TTC29: variants seen among roughly 807,000 people sequenced by gnomAD.
The protein encoded by TTC29 is tetratricopeptide repeat protein 29.
Under a neutral mutation model 58.1 loss-of-function variants are expected in TTC29, and 49 were observed. That is an observed-to-expected ratio of 0.84 (90% CI 0.67 to 1.07). The LOEUF (loss-of-function observed/expected upper bound fraction) is 1.07. TTC29 is among the 50% of genes least tolerant of loss of function. The pLI is 0.00. For synonymous variants in TTC29, 209 were observed against 196.8 expected (o/e 1.06, Z -0.52); for missense variants, 582 against 555.6 (o/e 1.05, Z -0.48).
intron 11 of TTC29, among the ~76,000 whole-genome samples, chr4:146,729,784 A>T (rs1463427024): frequency 6.6e-6 from 1 of 152,054 alleles, no homozygotes; most frequent in Non-Finnish European, 1.5e-5. Context: ...AGTGTGAAGG[A>T]GGAACTGTCA....
chr4:146,779,198 ATATTT>A (rs1748382008), intron 11 of TTC29, among the ~76,000 whole-genome samples: 1 of 152,010 alleles, frequency 6.6e-6, no homozygotes. Context: ...ACTTTAAAAA[ATATTT>A]TATAATAGTT....
chr4:146,793,903 A>T (rs1749648310), intron 11 of TTC29, among the ~76,000 whole-genome samples: 1 of 152,174 alleles, frequency 6.6e-6, no homozygotes, highest in Non-Finnish European at 1.5e-5. Context: ...GCTTAATAAC[A>T]TTTGCATGGT....
chr4:146,734,022 C>G (rs1339758040), intron 11 of TTC29, among the ~76,000 whole-genome samples: 1 of 152,024 alleles, frequency 6.6e-6, no homozygotes, highest in African/African-American at 2.4e-5. Context: ...CATTGGATAA[C>G]TAAAGAAGAA....
chr4:146,845,097 G>A (rs1326864520), intron 8 of TTC29, among the ~76,000 whole-genome samples: 1 of 152,120 alleles, frequency 6.6e-6, no homozygotes, highest in Non-Finnish European at 1.5e-5. Context: ...GAATTCGTAG[G>A]ATTAGGGTTT....
intron 11 of TTC29, among the ~76,000 whole-genome samples, chr4:146,769,194 G>A (rs1276591595): frequency 1.3e-5 from 2 of 151,638 alleles, no homozygotes; most frequent in Non-Finnish European, 2.9e-5. Context: ...TCTTAGTATC[G>A]GTGTTTGTGG....
At chr4:146,909,665 A>G (rs181631962) in intron 4 of TTC29, among the ~76,000 whole-genome samples, 85 of 152,326 alleles carry the variant, frequency 5.6e-4, no homozygotes, top group African/African-American at 1.9e-3. Flanking sequence ...GTTTCACTGT[A>G]TGTTACAGAA....
chr4:146,798,570 A>T (rs921928306), intron 11 of TTC29, among the ~76,000 whole-genome samples: 1 of 152,114 alleles, frequency 6.6e-6, no homozygotes, highest in Non-Finnish European at 1.5e-5. Flanking sequence ...GCTCATGAAC[A>T]TCTAGATTGT....
At chr4:146,723,364 G>A (rs555693546) in intron 11 of TTC29, among the ~76,000 whole-genome samples, 1 of 152,134 alleles carries the variant, frequency 6.6e-6, no homozygotes. Context: ...CAAAACAATT[G>A]CAGCAGAAAC....
rs1746175188 is a variant in TTC29 at position 146,753,402 on chromosome 4, A to T, written c.1331-45851T>A. Among the ~76,000 whole-genome samples, 3 of 152,358 alleles carry T rather than the reference A, an allele frequency of 2.0e-5. No homozygotes were observed. In the East Asian group the frequency reaches 5.8e-4, roughly 29 times the overall value. ...ACGATCATTAAAACGTCAGGAAACA[A>T]CAGGTGCTGGAGAAGATGTGGAGAA... On this transcript the variant is annotated intron_variant, in intron 11 of 12. Transcript: ENST00000325106.
chr4:146,909,117 G>T lies in TTC29; in HGVS notation c.309C>A (p.Leu103=), dbSNP rs757238343. The T allele has an allele frequency of 3.7e-6, 6 of 1,613,728 alleles. No individual in the cohort carries two copies. The highest frequency in any genetic ancestry group is 5.1e-6 in the Non-Finnish European group (6 of 1,179,860). Residue 103 remains leucine, a synonymous_variant, in exon 5 of 13, where the codon CTC becomes CTA. Transcript: ENST00000325106. The part of the protein sequence containing the change: ...ALREAARVRS[L]FWLQKPLEEQ... ...CCTCCAGGGGCTTCTGCAGCCAGAA[G>T]AGGGACCTGACTCTCGCAGCCTCCC...
chr4:146,874,406 G>A (rs954310180), intron 7 of TTC29, among the ~76,000 whole-genome samples: 3 of 152,020 alleles, frequency 2.0e-5, no homozygotes, highest in Non-Finnish European at 2.9e-5. Flanking sequence ...ACACACATGC[G>A]CATGCACACA....
chr4:146,906,096 T>C (rs755715951), intron 5 of TTC29, among the ~76,000 whole-genome samples: 1 of 152,098 alleles, frequency 6.6e-6, no homozygotes, highest in South Asian at 2.1e-4. Flanking sequence ...CCTAGCCCCA[T>C]GGGGCATAAG....
At chr4:146,790,095 G>A (rs2150100996) in intron 11 of TTC29, among the ~76,000 whole-genome samples, 1 of 151,922 alleles carries the variant, frequency 6.6e-6, no homozygotes, top group South Asian at 2.1e-4. Flanking sequence ...TACATGCCTT[G>A]ATTCCTTATT....
chr4:146,856,147 G>T (rs1361625331), intron 8 of TTC29, among the ~76,000 whole-genome samples: 2 of 151,924 alleles, frequency 1.3e-5, no homozygotes, highest in South Asian at 2.1e-4. Context: ...TCAGATTTTT[G>T]AACTTCATCC....
Position 146,909,100 on chromosome 4 carries a change from G to A in TTC29, c.326C>T (p.Pro109Leu). ...CAGTTTATCAGGCTGCTCCTCCAGG[G>A]GCTTCTGCAGCCAGAAGAGGGACCT... Reference protein sequence around the residue: ...RVRSLFWLQKPLEEQPDKLDY... With the variant: ...RVRSLFWLQKLLEEQPDKLDY... The change falls in exon 5 of 13, where the codon CCC becomes CTC. Residue 109 changes from proline to leucine, a missense_variant. Physicochemically the swap from Pro to Leu is moderately conservative, Grantham distance 98 (BLOSUM62 -3). Coordinates refer to ENST00000325106, the MANE Select transcript of TTC29 (RefSeq NM_031956.4). 1 of 1,613,826 alleles carries A rather than the reference G, an allele frequency of 6.2e-7. No individual in the cohort carries two copies. Among genetic ancestry groups the A allele is most frequent in the Non-Finnish European group, 8.5e-7 (1 of 1,179,844 alleles).
At chr4:146,743,245 T>C (rs1196180238) in intron 11 of TTC29, among the ~76,000 whole-genome samples, 21 of 152,214 alleles carry the variant, frequency 1.4e-4, no homozygotes, top group Non-Finnish European at 1.2e-4. Context: ...ATTAATTTCA[T>C]GAAGACAGAT....
At chr4:146,748,321 C>T (rs1203672933) in intron 11 of TTC29, among the ~76,000 whole-genome samples, 1 of 152,162 alleles carries the variant, frequency 6.6e-6, no homozygotes, top group African/African-American at 2.4e-5. Flanking sequence ...GTGAGAACTA[C>T]ATCCACTCAT....
rs143491416 is a variant in TTC29 at position 146,880,068 on chromosome 4, C to T, written c.587-5140G>A. Among the ~76,000 whole-genome samples, 441 of 152,240 alleles carry T rather than the reference C, an allele frequency of 2.9e-3. 2 individuals are homozygous for T. Among genetic ancestry groups the T allele is most frequent in the Non-Finnish European group, 5.1e-3 (346 of 68,000 alleles). On this transcript the variant is annotated intron_variant, in intron 6 of 12. Coordinates refer to ENST00000325106, the MANE Select transcript of TTC29 (RefSeq NM_031956.4). ...AGCAAAAGTCCAGATAGTCCACCAA[C>T]ATTTCATGTGAACCAGGGAAGAAAA...
intron 6 of TTC29, among the ~76,000 whole-genome samples, chr4:146,887,448 A>G (rs1435808519): frequency 6.6e-6 from 1 of 151,990 alleles, no homozygotes; most frequent in East Asian, 1.9e-4. Flanking sequence ...GTTTGTGTTT[A>G]TTTGTGTAGA....
Sources: allele counts gnomAD v4.1 joint callset (sites outside exome capture counted in the v4.1 genomes callset), GRCh38; gene constraint gnomAD v4.1.1; transcripts MANE v1.5; gene names NCBI Gene and HGNC (gene_info 2026-07-23, HGNC 2026-07-21).